ACOT1: variants seen among roughly 807,000 people sequenced by gnomAD.
ACOT1 encodes the protein acyl-CoA thioesterase 1, also known as acyl-coenzyme A thioesterase 1.
In ACOT1, 8 loss-of-function variants were observed where a neutral mutation model predicts 15.7. The ratio of observed to expected loss-of-function variants is 0.51; its 90% CI spans 0.30 to 0.92. The LOEUF (loss-of-function observed/expected upper bound fraction) is 0.92. ACOT1 is among the 40% of genes least tolerant of loss of function. The pLI is 0.06. For missense variants in ACOT1, 151 were observed against 539.4 expected, an observed-to-expected ratio of 0.28 and a Z score of 7.13; for synonymous variants, 67 against 241.2, an observed-to-expected ratio of 0.28 and a Z score of 6.69.
the ACOT1 span, among the ~76,000 whole-genome samples, chr14:73,527,777 A>G: frequency 5.5e-4 from 83 of 152,012 alleles, no homozygotes; most frequent in African/African-American, 1.8e-3. Context: ...CAGGGGTTCG[A>G]GACCAGCCCG....
intron 1 of ACOT1, chr14:73,539,650 C>T (rs1418316317): frequency 8.5e-6 from 1 of 117,194 alleles, no homozygotes; most frequent in Admixed American, 9.5e-5. Context: ...GCTTCCAGAC[C>T]AGGAAGCTGC....
At chr14:73,529,156 C>T in the ACOT1 span, 1 of 151,900 alleles carries the variant, frequency 6.6e-6, no homozygotes, top group Non-Finnish European at 1.5e-5. Context: ...GAGTTCAAGA[C>T]CAGCTTGACC....
intron 1 of ACOT1, among the ~76,000 whole-genome samples, chr14:73,540,766 C>T (rs1453969733): frequency 1.0e-5 from 1 of 98,694 alleles, no homozygotes; most frequent in African/African-American, 3.7e-5. Context: ...TTTTTTGAGA[C>T]AGTGTCTCGC....
At chr14:73,500,011 C>T in the ACOT1 span, among the ~76,000 whole-genome samples, 5 of 152,186 alleles carry the variant, frequency 3.3e-5, no homozygotes, top group Non-Finnish European at 2.9e-5. Context: ...GGGCGGATCA[C>T]GAAGTCAGGA....
rs1175429234 is a variant in ACOT1 at position 73,538,029 on chromosome 14, G to T, written c.457+151G>T. ...CCCCACCACCACCACCCCGGGCTAT[G>T]TTGCCCAGGTAGGTCTTGAACTCCT... On this transcript the variant is annotated intron_variant, in intron 1 of 2. Transcript: ENST00000311148. 1.2e-5 allele frequency: 9 copies of T among 724,186 alleles called. 3 individuals carry two copies. Among genetic ancestry groups the T allele is most frequent in the South Asian group, 1.2e-4 (5 of 43,052 alleles). The allele number at this position is 724,186 out of a possible 1,614,324, so 44.9% of individuals were successfully genotyped here.
At chr14:73,492,361 G>C in the ACOT1 span, 1 of 1,613,910 alleles carries the variant, frequency 6.2e-7, no homozygotes, top group South Asian at 1.1e-5. The surrounding 1 kb of genome is among the most constrained non-coding windows in gnomAD (Gnocchi z 4.9). Flanking sequence ...AAGAAAATGT[G>C]GAGTTTCGGA....
At chr14:73,508,040 C>T in the ACOT1 span, 88 of 1,219,206 alleles carry the variant, frequency 7.2e-5, no homozygotes, top group South Asian at 4.9e-4. Context: ...GCCACTGCCC[C>T]GGCCCCAGCT....
chr14:73,523,008 C>T, the ACOT1 span: 1 of 1,613,906 alleles, frequency 6.2e-7, no homozygotes, highest in African/African-American at 1.3e-5. Flanking sequence ...CTGAAGAAGA[C>T]CATAGGCACA....
the ACOT1 span, chr14:73,491,809 C>T: frequency 1.9e-6 from 3 of 1,600,020 alleles, no homozygotes; most frequent in South Asian, 1.1e-5. Context: ...ATTTGGACGC[C>T]GCTCGCTACA....
chr14:73,504,076 CTTT>C, the ACOT1 span, among the ~76,000 whole-genome samples: 16 of 127,722 alleles, frequency 1.3e-4, no homozygotes, highest in Non-Finnish European at 1.5e-4. Flanking sequence ...TTTTGCATTT[CTTT>C]TTTTTTTTTT....
At chr14:73,510,659 C>T in the ACOT1 span, among the ~76,000 whole-genome samples, 1 of 152,070 alleles carries the variant, frequency 6.6e-6, no homozygotes, top group Non-Finnish European at 1.5e-5. Flanking sequence ...TGGTCTTGAA[C>T]CCTTGACTTC....
chr14:73,499,016 T>C, the ACOT1 span: 5 of 1,474,406 alleles, frequency 3.4e-6, no homozygotes, highest in African/African-American at 1.4e-5. Context: ...CATTTCTACT[T>C]GCATAGGCAA....
At chr14:73,490,999 A>G in the ACOT1 span, 1 of 1,373,876 alleles carries the variant, frequency 7.3e-7, no homozygotes, top group Non-Finnish European at 9.5e-7. Context: ...CGGGCGGGGA[A>G]GACTGGTGTG....
At chr14:73,509,260 G>A in the ACOT1 span, 1 of 1,537,012 alleles carries the variant, frequency 6.5e-7, no homozygotes, top group Non-Finnish European at 9.0e-7. Context: ...AAAGCTGATA[G>A]TGAGATGTCT....
At chr14:73,490,997 G>T in the ACOT1 span, 3 of 1,361,788 alleles carry the variant, frequency 2.2e-6, no homozygotes, top group Non-Finnish European at 1.9e-6. Flanking sequence ...GCCGGGCGGG[G>T]AAGACTGGTG....
upstream of ACOT1, among the ~76,000 whole-genome samples, chr14:73,535,507 T>G (rs1320025547): frequency 1.4e-5 from 1 of 69,436 alleles, no homozygotes; most frequent in Non-Finnish European, 2.7e-5. Flanking sequence ...TTTTTTTTTT[T>G]GCCCAGGCTG....
At chr14:73,501,032 C>T in the ACOT1 span, among the ~76,000 whole-genome samples, 4 of 152,256 alleles carry the variant, frequency 2.6e-5, no homozygotes, top group Admixed American at 2.6e-4. Flanking sequence ...CCATTGCCCT[C>T]ACGTGTGCCA....
At chr14:73,495,213 C>A in the ACOT1 span, 1 of 1,610,112 alleles carries the variant, frequency 6.2e-7, no homozygotes, top group Non-Finnish European at 8.5e-7. Flanking sequence ...TGGAACTCAC[C>A]CCTAGGAAAC....
At chr14:73,491,880 C>G in the ACOT1 span, 85 of 1,611,684 alleles carry the variant, frequency 5.3e-5, no homozygotes, top group African/African-American at 8.7e-4. Context: ...GCCGCGTGGT[C>G]CCTGTACCAG....
Sources: allele counts gnomAD v4.1 joint callset (sites outside exome capture counted in the v4.1 genomes callset), GRCh38; gene constraint gnomAD v4.1.1; non-coding constraint Gnocchi (gnomAD v3.1); transcripts MANE v1.5; gene names NCBI Gene and HGNC (gene_info 2026-07-23, HGNC 2026-07-21).